PLCL2: variants seen among roughly 807,000 people sequenced by gnomAD.
The protein encoded by PLCL2 is phospholipase C like 2.
PLCL2 carries 4 observed loss-of-function variants against 79.6 expected under a neutral mutation model. The observed-to-expected ratio is 0.05, with a 90% CI of 0.02 to 0.11. The LOEUF is 0.11. Ranked by LOEUF, PLCL2 falls within the 10% of genes least tolerant of loss-of-function variation. The pLI is 1.00. For synonymous variants in PLCL2, 484 were observed against 457.7 expected, an observed-to-expected ratio of 1.06 and a Z score of -0.73; for missense variants, 895 against 1,291.0, an observed-to-expected ratio of 0.69 and a Z score of 4.70.
chr3:16,945,685 A>G (rs762555902), intron 1 of PLCL2, among the ~76,000 whole-genome samples: 26 of 152,172 alleles, frequency 1.7e-4, no homozygotes, highest in Non-Finnish European at 3.1e-4. Flanking sequence ...GGCATACTCT[A>G]TATAGGAAGT....
At chr3:17,030,118 G>A (rs1302364275) in intron 3 of PLCL2, among the ~76,000 whole-genome samples, 2 of 151,986 alleles carry the variant, frequency 1.3e-5, no homozygotes, top group Non-Finnish European at 2.9e-5. Flanking sequence ...TAAGAAATGG[G>A]GTCTCGCTAT....
intron 3 of PLCL2, among the ~76,000 whole-genome samples, chr3:17,035,553 TG>T (rs1233122024): frequency 1.9e-4 from 29 of 152,322 alleles, no homozygotes; most frequent in Middle Eastern, 3.4e-3. Context: ...CATATAGCAG[TG>T]GCCCCCACCT....
intron 1 of PLCL2, among the ~76,000 whole-genome samples, chr3:16,991,982 T>C (rs1341529350): frequency 6.6e-6 from 1 of 152,156 alleles, no homozygotes; most frequent in Non-Finnish European, 1.5e-5. Flanking sequence ...ATTTCTTAAG[T>C]GCCATGAGCC....
intron 1 of PLCL2, among the ~76,000 whole-genome samples, chr3:17,003,689 G>C (rs1177481267): frequency 6.6e-6 from 1 of 152,162 alleles, no homozygotes; most frequent in Non-Finnish European, 1.5e-5. Context: ...AACTCTGCCT[G>C]TATCTGTTTA....
At chr3:16,964,712 C>G (rs2124973151) in intron 1 of PLCL2, among the ~76,000 whole-genome samples, 1 of 152,070 alleles carries the variant, frequency 6.6e-6, no homozygotes, top group East Asian at 1.9e-4. Flanking sequence ...GATTGCCATT[C>G]TAACTGGTGT....
intron 4 of PLCL2, among the ~76,000 whole-genome samples, chr3:17,059,378 CAAAA>C (rs57060253): frequency 8.9e-5 from 10 of 111,948 alleles, no homozygotes; most frequent in Admixed American, 2.7e-4. Flanking sequence ...GAATCTGTCT[CAAAA>C]AAAAAAAAAA....
intron 4 of PLCL2, among the ~76,000 whole-genome samples, chr3:17,062,711 A>G (rs2064964676): frequency 6.6e-6 from 1 of 152,260 alleles, no homozygotes; most frequent in Admixed American, 6.5e-5. Context: ...GCTCTAAAAT[A>G]TACAAATTTA....
intron 1 of PLCL2, among the ~76,000 whole-genome samples, chr3:16,994,850 AAAT>A (rs561138222): frequency 4.9e-4 from 74 of 152,292 alleles, no homozygotes; most frequent in Admixed American, 2.0e-3. Context: ...TACATCCAGC[AAAT>A]AATCCCCATT....
rs151068845 is a variant in PLCL2 at position 17,015,052 on chromosome 3, C to A, written c.3018+141C>A. The A allele has an allele frequency of 6.6e-3, 4,303 of 653,510 alleles. 29 individuals are homozygous for A. Among genetic ancestry groups the A allele is most frequent in the South Asian group, 8.4e-3 (452 of 54,034 alleles). 40.5% of individuals were successfully genotyped at this position (653,510 alleles called of 1,614,324 possible). ...CACCTATGCTGGAGAAGTAATTCCC[C>A]TGACCTTGCTGTATTTGAAAGAGAT... On this transcript the variant is annotated intron_variant, in intron 3 of 5. Coordinates refer to ENST00000615277, the MANE Select transcript of PLCL2 (RefSeq NM_001144382.2).
At chr3:16,904,617 C>A (rs538523466) in intron 1 of PLCL2, among the ~76,000 whole-genome samples, 7 of 152,068 alleles carry the variant, frequency 4.6e-5, no homozygotes, top group Non-Finnish European at 8.8e-5. Context: ...AGCAGACAAC[C>A]AAGTGCATCT....
chr3:17,061,605 T>G (rs183354101), intron 4 of PLCL2, among the ~76,000 whole-genome samples: 4 of 152,256 alleles, frequency 2.6e-5, no homozygotes, highest in African/African-American at 9.6e-5. Context: ...AATTGGAAAA[T>G]TATGTGTAAT....
chr3:17,090,598 T>C lies in PLCL2; in HGVS notation c.*686T>C, dbSNP rs2124962682. 6.6e-6 allele frequency: 1 copy of C among 152,406 alleles called. No homozygotes were observed. The highest frequency in any genetic ancestry group is 1.5e-5 in the Non-Finnish European group (1 of 68,038). 9.4% of individuals were successfully genotyped at this position (152,406 alleles called of 1,614,324 possible). On this transcript the variant is annotated 3_prime_UTR_variant, in exon 6 of 6. Coordinates refer to ENST00000615277, the MANE Select transcript of PLCL2 (RefSeq NM_001144382.2). ...CATTAAAAAGATGTTTTATGATATT[T>C]CTCCAATAGCAGTACATGTGTTTAA...
chr3:16,997,475 T>A (rs1431829470), intron 1 of PLCL2, among the ~76,000 whole-genome samples: 1 of 152,056 alleles, frequency 6.6e-6, no homozygotes, highest in Non-Finnish European at 1.5e-5. Context: ...TTATTTAGTT[T>A]CTTTTCTTAT....
rs747001252 is a variant in PLCL2 at position 17,023,337 on chromosome 3, C to G, written c.3018+8426C>G. ...CTCTGTGATCTACGGGTTGTTTCCC[C>G]ATGATATGGTTTGGCTGTGTCCCCA... On this transcript the variant is annotated intron_variant, in intron 3 of 5. Coordinates refer to ENST00000615277, the MANE Select transcript of PLCL2 (RefSeq NM_001144382.2). Among the ~76,000 whole-genome samples, 3 of 152,186 alleles carry G rather than the reference C, an allele frequency of 2.0e-5. No homozygotes were observed. The East Asian group carries it at 5.8e-4, about 29-fold the overall frequency.
chr3:16,973,777 A>C (rs1050051178), intron 1 of PLCL2, among the ~76,000 whole-genome samples: 2 of 152,224 alleles, frequency 1.3e-5, no homozygotes, highest in Non-Finnish European at 2.9e-5. Context: ...ATTTAGGTCT[A>C]TACTGGTAAA....
At chr3:17,055,283 A>G (rs2064881386) in intron 4 of PLCL2, among the ~76,000 whole-genome samples, 1 of 152,140 alleles carries the variant, frequency 6.6e-6, no homozygotes, top group Admixed American at 6.6e-5. Flanking sequence ...TAATTAATTA[A>G]CTAATAATTA....
intron 3 of PLCL2, among the ~76,000 whole-genome samples, chr3:17,028,215 C>T (rs2064539586): frequency 1.3e-5 from 2 of 152,152 alleles, no homozygotes. Flanking sequence ...CTCATTTCCT[C>T]TCACCCTTTC....
intron 1 of PLCL2, among the ~76,000 whole-genome samples, chr3:16,923,310 G>T (rs1286274445): frequency 6.6e-6 from 1 of 152,208 alleles, no homozygotes; most frequent in African/African-American, 2.4e-5. Context: ...TATCACATCA[G>T]GTGATCTAGC....
At position 17,009,950 on chromosome 3, in the gene PLCL2, A is replaced by G; in HGVS notation, c.604A>G (p.Ile202Val). Residue 202 changes from isoleucine (I) to valine (V), a missense_variant, in exon 2 of 6, where the codon ATA (isoleucine) becomes GTA (valine). Ile to Val is a conservative substitution (Grantham distance 29). Coordinates refer to ENST00000615277, the MANE Select transcript of PLCL2 (RefSeq NM_001144382.2). This position sits in a 1 kb window ranked among gnomAD's most constrained non-coding sequence, Gnocchi z 4.0. ...KEVRTGKNTD[I>V]FRSNGISDQI... ...AGTGAGAACAGGAAAAAACACAGAC[A>G]TATTCCGCAGCAATGGCATTTCTGA... 6.2e-7 allele frequency: 1 copy of G among 1,614,124 alleles called. No individual in the cohort carries two copies. Among genetic ancestry groups the G allele is most frequent in the Non-Finnish European group, 8.5e-7 (1 of 1,179,994 alleles).
Sources: allele counts gnomAD v4.1 joint callset (sites outside exome capture counted in the v4.1 genomes callset), GRCh38; gene constraint gnomAD v4.1.1; non-coding constraint Gnocchi (gnomAD v3.1); transcripts MANE v1.5; gene names NCBI Gene and HGNC (gene_info 2026-07-23, HGNC 2026-07-21).